Variants in ZNF846 observed in about 807,000 individuals in gnomAD.
The protein encoded by ZNF846 is zinc finger protein 420 pseudogene.
Under a neutral mutation model 16.0 loss-of-function variants are expected in ZNF846, and 15 were observed. That is an observed-to-expected ratio of 0.94 (90% CI 0.63 to 1.45). ZNF846 has a LOEUF of 1.45. ZNF846 is among the 40% of genes most tolerant of loss of function. The pLI, the probability that ZNF846 is intolerant of heterozygous loss-of-function variation, is 0.00. For missense variants in ZNF846, 714 were observed against 622.3 expected, an observed-to-expected ratio of 1.15 and a Z score of -1.57; for synonymous variants, 229 against 212.0, an observed-to-expected ratio of 1.08 and a Z score of -0.70.
At chr19:9,763,507 T>C (rs1322155528) in intron 2 of ZNF846, 99 bp from the exon 3 acceptor site, 3 of 1,171,350 alleles carry the variant, frequency 2.6e-6, no homozygotes, top group East Asian at 2.6e-5. Flanking sequence ...AAGCCTGCAG[T>C]ACTCCCAGGC....
rs779950439 is a variant in ZNF846 at position 9,758,611 on chromosome 19, GA to G, written c.465del (p.Pro156LeufsTer62). 5 of 1,612,990 alleles carry G rather than the reference GA, an allele frequency of 3.1e-6. No individual in the cohort carries two copies. In the South Asian group the frequency reaches 5.5e-5, roughly 18 times the overall value. On this transcript the variant is annotated frameshift_variant, in exon 6 of 6. Coordinates refer to ENST00000397902, the Ensembl canonical transcript of ZNF846. LOFTEE classifies it low-confidence loss of function (END_TRUNC). ...TGACTTTTCTTGTAAAAACTATGAGGAAAGTTCTTTCTTAAGGCTTTTCCAC... is the reference window on the plus strand; with the variant it reads ...TGACTTTTCTTGTAAAAACTATGAGGAAGTTCTTTCTTAAGGCTTTTCCAC...
upstream of ZNF846, among the ~76,000 whole-genome samples, chr19:9,772,017 C>T (rs2045394110): frequency 6.6e-6 from 1 of 152,116 alleles, no homozygotes; most frequent in South Asian, 2.1e-4. Flanking sequence ...CCACCCACCT[C>T]AGCCTCCCAA....
At chr19:9,764,995 G>A (rs757858864) in exon 2 of ZNF846, 3 of 1,611,430 alleles carry the variant, frequency 1.9e-6, no homozygotes, top group Non-Finnish European at 2.5e-6. Flanking sequence ...GCTTCTCGAT[G>A]TTCCTGTCAT....
At chr19:9,750,603 T>C (rs973552589), downstream of ZNF846, among the ~76,000 whole-genome samples, 4 of 152,194 alleles carry the variant, frequency 2.6e-5, no homozygotes, top group Non-Finnish European at 5.9e-5. Flanking sequence ...AAAATCCAGT[T>C]TGCAAATGGG....
downstream of ZNF846, among the ~76,000 whole-genome samples, chr19:9,755,179 C>T (rs115214177): frequency 7.2e-3 from 1,084 of 151,602 alleles, 49 homozygotes; most frequent in African/African-American, 0.025. Flanking sequence ...ATATAACATC[C>T]TAACATCCAC....
At chr19:9,774,004 T>G (rs559398087) in intron 1 of ZNF846, among the ~76,000 whole-genome samples, 5 of 152,278 alleles carry the variant, frequency 3.3e-5, no homozygotes, top group Admixed American at 2.0e-4. Context: ...AACATAAAGA[T>G]ACTTAGGTTT....
At chr19:9,752,490 C>G (rs1341386904), downstream of ZNF846, 1 of 367,814 alleles carries the variant, frequency 2.7e-6, no homozygotes, top group Admixed American at 2.9e-5. Flanking sequence ...TGGTGCATGC[C>G]TGTGATCCCA....
chr19:9,757,970 C>T (rs770097681), exon 6 of ZNF846: 3 of 1,613,502 alleles, frequency 1.9e-6, no homozygotes, highest in Non-Finnish European at 2.5e-6. Flanking sequence ...TCCCACATGC[C>T]TTACATAAAT....
At chr19:9,755,323 C>CTTACTT (rs1273930966), downstream of ZNF846, among the ~76,000 whole-genome samples, 1 of 151,584 alleles carries the variant, frequency 6.6e-6, no homozygotes, top group East Asian at 1.9e-4. Context: ...CATGACAAGT[C>CTTACTT]GTCATGGACA....
chr19:9,762,973 G>A (rs2045253025), intron 3 of ZNF846, among the ~76,000 whole-genome samples: 1 of 152,036 alleles, frequency 6.6e-6, no homozygotes, highest in South Asian at 2.1e-4. Flanking sequence ...GTGAAACCCT[G>A]TCTCCACTAA....
intron 1 of ZNF846, among the ~76,000 whole-genome samples, chr19:9,785,620 C>CT (rs2145336016): frequency 9.0e-6 from 1 of 110,748 alleles, no homozygotes; most frequent in African/African-American, 3.6e-5. Context: ...GCCCGCGTCT[C>CT]TCCCTCACCC....
chr19:9,752,737 A>G (rs138667743), downstream of ZNF846, among the ~76,000 whole-genome samples: 1 of 149,056 alleles, frequency 6.7e-6, no homozygotes, highest in East Asian at 2.0e-4. Flanking sequence ...TATCTCATAC[A>G]TTATTTAATT....
At position 9,757,614 on chromosome 19, in the gene ZNF846, C is replaced by T. The variant is rs191028771; in HGVS notation, c.1463G>A (p.Arg488Lys). ...GTGAACGTTAAGGTATGTGGAATACCTGAAGGCTTTCCCACATTCTTTACA... is the reference window on the plus strand; with the variant it reads ...GTGAACGTTAAGGTATGTGGAATACTTGAAGGCTTTCCCACATTCTTTACA... The change falls in exon 6 of 6, where the codon AGG becomes AAG. Residue 488 changes from arginine (R) to lysine (K), a missense_variant. Arg to Lys is a conservative substitution (Grantham distance 26, BLOSUM62 2). Transcript: ENST00000397902. The T allele has an allele frequency of 6.8e-6, 11 of 1,613,534 alleles. No homozygotes were observed. The East Asian group carries it at 2.5e-4, about 36-fold the overall frequency.
chr19:9,784,434 C>T (rs932296619), intron 1 of ZNF846, among the ~76,000 whole-genome samples: 1 of 152,180 alleles, frequency 6.6e-6, no homozygotes, highest in Non-Finnish European at 1.5e-5. Flanking sequence ...GCAGTATTGC[C>T]GCCAGCATGT....
downstream of ZNF846, among the ~76,000 whole-genome samples, chr19:9,750,102 C>G (rs530251028): frequency 6.6e-6 from 1 of 152,284 alleles, no homozygotes; most frequent in Admixed American, 6.5e-5. Context: ...GCCACACACA[C>G]TACCAAACAG....
downstream of ZNF846, chr19:9,757,327 CCTTAT>C (rs1200290647): frequency 1.5e-6 from 1 of 646,098 alleles, no homozygotes; most frequent in Non-Finnish European, 2.6e-6. Context: ...CTTGCCTATT[CCTTAT>C]ATCACTGGGA....
intron 1 of ZNF846, among the ~76,000 whole-genome samples, chr19:9,767,271 G>C (rs2045331485): frequency 6.6e-6 from 1 of 151,982 alleles, no homozygotes; most frequent in South Asian, 2.1e-4. Flanking sequence ...GAGTAGCTAA[G>C]ATTACAGGCA....
At chr19:9,781,951 AT>A (rs2045506094) in intron 1 of ZNF846, among the ~76,000 whole-genome samples, 1 of 151,416 alleles carries the variant, frequency 6.6e-6, no homozygotes, top group Non-Finnish European at 1.5e-5. Flanking sequence ...CTAATTTTGT[AT>A]TTTTAGTAGA....
downstream of ZNF846, chr19:9,756,481 C>T (rs939513031): frequency 6.7e-6 from 1 of 150,016 alleles, no homozygotes; most frequent in South Asian, 2.1e-4. Context: ...TTTCCCACAT[C>T]TTACCTTCAT....
Sources: gnomAD v4.1 joint callset for allele counts (sites outside exome capture counted in the v4.1 genomes callset) on GRCh38, gnomAD v4.1.1 for gene constraint, MANE v1.5 for transcripts, NCBI Gene and HGNC (gene_info 2026-07-23, HGNC 2026-07-21) for gene names.